The following SPARCL1 variants were observed in gnomAD, a reference collection of about 807,000 sequenced individuals.
SPARCL1 encodes the protein SPARC like 1, also known as SPARC-like protein 1.
In SPARCL1, 52 loss-of-function variants were observed where a neutral mutation model predicts 67.1. The observed-to-expected ratio is 0.78, with a 90% CI of 0.62 to 0.98. SPARCL1 has a LOEUF of 0.98. Among genes scored for constraint, SPARCL1 ranks in the 50% least tolerant of loss-of-function variants. The pLI is 0.00. For missense variants in SPARCL1, 717 were observed against 782.4 expected (o/e 0.92, Z 1.00); for synonymous variants, 226 against 267.8 (o/e 0.84, Z 1.52).
chr4:87,482,502 C>T lies in SPARCL1; in HGVS notation c.1590G>A (p.Trp530Ter), dbSNP rs1009564107. 2 of 1,613,956 alleles carry T rather than the reference C, an allele frequency of 1.2e-6. No individual in the cohort carries two copies. Among genetic ancestry groups the T allele is most frequent in the Non-Finnish European group, 1.7e-6 (2 of 1,179,876 alleles). ...AAAGCTGCATGAGGATATTCTTGAGCCAGTCTCTCATCCGTAGAGGAAACT... is the reference window on the plus strand; with the variant it reads ...AAAGCTGCATGAGGATATTCTTGAGTCAGTCTCTCATCCGTAGAGGAAACT... ...VIQFPLRMRD[W>*]LKNILMQLYE... The change falls in exon 8 of 11, where the codon TGG (tryptophan) becomes TGA (stop). Residue 530 changes from tryptophan (W) to a stop codon, truncating the protein, a stop_gained. Transcript: ENST00000282470. LOFTEE classifies it high-confidence loss of function.
intron 1 of SPARCL1, among the ~76,000 whole-genome samples, chr4:87,502,371 C>T (rs564375319): frequency 6.6e-6 from 1 of 152,092 alleles, no homozygotes; most frequent in African/African-American, 2.4e-5. Context: ...ACTTATTCTT[C>T]CTATTAGCTA....
intron 1 of SPARCL1, among the ~76,000 whole-genome samples, chr4:87,521,967 CAG>C (rs1478754447): frequency 6.6e-6 from 1 of 152,208 alleles, no homozygotes; most frequent in African/African-American, 2.4e-5. Context: ...TAAACAGACT[CAG>C]AACGTTCCTG....
At chr4:87,501,172 T>G (rs556592921) in intron 1 of SPARCL1, among the ~76,000 whole-genome samples, 1 of 152,154 alleles carries the variant, frequency 6.6e-6, no homozygotes, top group African/African-American at 2.4e-5. Flanking sequence ...CCCTTGGAAG[T>G]GGCACTCCCA....
In SPARCL1 at chr4:87,473,714, A is replaced by G. The variant is rs1271948213; in HGVS notation, c.*61T>C. The G allele has an allele frequency of 2.5e-6, 3 of 1,219,110 alleles. No homozygotes were observed. Among genetic ancestry groups the G allele is most frequent in the East Asian group, 4.9e-5 (2 of 41,174 alleles). The allele number at this position is 1,219,110 out of a possible 1,614,324, so 75.5% of individuals were successfully genotyped here. On this transcript the variant is annotated 3_prime_UTR_variant, in exon 11 of 11. Coordinates refer to ENST00000282470, the MANE Select transcript of SPARCL1 (RefSeq NM_004684.6). ...ATCTACAAGTATCACAGCTGCATAT[A>G]TTTCTGAAGTGGTTAGAACAGAGGA...
chr4:87,499,455 A>G, intron 2 of SPARCL1, 66 bp downstream of exon 2: 8 of 1,268,250 alleles, frequency 6.3e-6, no homozygotes, highest in Non-Finnish European at 9.1e-6. Context: ...ATTTTCTTTT[A>G]AATGGAGGAT....
chr4:87,507,195 T>C (rs988969411), intron 1 of SPARCL1, among the ~76,000 whole-genome samples: 4 of 152,242 alleles, frequency 2.6e-5, no homozygotes, highest in Non-Finnish European at 2.9e-5. Flanking sequence ...CATGGAATGC[T>C]ACCCTATTTT....
intron 8 of SPARCL1, among the ~76,000 whole-genome samples, chr4:87,481,465 G>C (rs1723820407): frequency 6.6e-6 from 1 of 152,098 alleles, no homozygotes; most frequent in African/African-American, 2.4e-5. Context: ...TATACTTGCT[G>C]CATCCATTCC....
rs1724501495 is a variant in SPARCL1, at chr4:87,494,152, AT to A, written c.647del (p.Asp216ValfsTer38). On this transcript the variant is annotated frameshift_variant, in exon 4 of 11. Transcript: ENST00000282470. LOFTEE classifies it high-confidence loss of function. ...GCAATTCTGTCTTTCTTTCTTGGTT[AT>A]CATTGTGGGTACCAACTTCACCTGG... is the stretch of plus-strand genomic sequence containing the variant. ...KEPGEVGTHNDNQERKTELPR... is the reference protein window; with the variant it reads ...KEPGEVGTHNXNQERKTELPR... The A allele has an allele frequency of 6.2e-7, 1 of 1,613,604 alleles. No homozygotes were observed. The highest frequency in any genetic ancestry group is 1.3e-5 in the African/African-American group (1 of 74,898).
chr4:87,526,713 C>A (rs1350927225), intron 1 of SPARCL1, among the ~76,000 whole-genome samples: 1 of 152,170 alleles, frequency 6.6e-6, no homozygotes, highest in East Asian at 1.9e-4. Context: ...TATTATAGAG[C>A]AAAACGTATA....
At chr4:87,496,454 A>G (rs751051200) in intron 2 of SPARCL1, among the ~76,000 whole-genome samples, 1 of 152,082 alleles carries the variant, frequency 6.6e-6, no homozygotes, top group Non-Finnish European at 1.5e-5. Context: ...TCTGAACTCA[A>G]GCAATCTTCC....
chr4:87,497,732 G>C (rs1724678215), intron 2 of SPARCL1, among the ~76,000 whole-genome samples: 1 of 152,186 alleles, frequency 6.6e-6, no homozygotes, highest in Admixed American at 6.5e-5. Context: ...CTAAATGCAA[G>C]TGTGTCATTC....
chr4:87,518,793 A>T (rs1426924985), intron 1 of SPARCL1, among the ~76,000 whole-genome samples: 2 of 152,170 alleles, frequency 1.3e-5, no homozygotes, highest in Admixed American at 6.5e-5. Flanking sequence ...AAAAGAAGAC[A>T]CTTAGGGTTA....
Position 87,493,718 on chromosome 4 carries a change from T to C in SPARCL1, c.1082A>G (p.Tyr361Cys). Residue 361 changes from tyrosine to cysteine, a missense_variant, in exon 4 of 11, where the codon TAC becomes TGC. Tyr to Cys is a radical substitution (Grantham distance 194, BLOSUM62 -2). Transcript: ENST00000282470. ...CAGAAAGGCCTGGCTTGGGATGAAG[T>C]AGTCATCACTTGCACTGTGCCTGGG... ...DGPRHSASDD[Y>C]FIPSQAFLEA... is the part of the protein sequence containing the mutation. 6.2e-7 allele frequency: 1 copy of C among 1,614,148 alleles called. No homozygotes were observed. Among genetic ancestry groups the C allele is most frequent in the Non-Finnish European group, 8.5e-7 (1 of 1,180,026 alleles).
intron 2 of SPARCL1, among the ~76,000 whole-genome samples, chr4:87,496,304 C>T (rs1724616825): frequency 6.6e-6 from 1 of 152,142 alleles, no homozygotes; most frequent in Admixed American, 6.5e-5. Context: ...CTCACTGCAA[C>T]CTCTGCCTCC....
intron 1 of SPARCL1, among the ~76,000 whole-genome samples, chr4:87,518,755 G>A (rs555873729): frequency 1.8e-4 from 27 of 149,676 alleles, no homozygotes; most frequent in Middle Eastern, 3.2e-3. Flanking sequence ...ATTAGCTGGA[G>A]TTGGGCAACA....
rs564310961 is a variant in SPARCL1, at chr4:87,482,452, C to A, written c.1640G>T (p.Gly547Val). Residue 547 changes from glycine to valine, a missense_variant, in exon 8 of 11, where the codon GGT becomes GTT. By Grantham distance (109) the Gly-to-Val change is moderately radical (BLOSUM62 -3). Transcript: ENST00000282470. ...ATTTCTCTGCTTCTCATTTAGATAA[C>A]CAGCGTGTTCAGAGTTGGCTTCATA... ...QLYEANSEHA[G>V]YLNEKQRNKV... The A allele has an allele frequency of 5.0e-6, 8 of 1,613,858 alleles. No homozygotes were observed. The South Asian group carries it at 8.8e-5, about 18-fold the overall frequency.
intron 10 of SPARCL1, among the ~76,000 whole-genome samples, chr4:87,478,951 T>G (rs1723693087): frequency 6.6e-6 from 1 of 152,184 alleles, no homozygotes; most frequent in Non-Finnish European, 1.5e-5. Context: ...GGTTAAAGGA[T>G]TATCCCAGCA....
At chr4:87,507,796 C>T (rs1206655732) in intron 1 of SPARCL1, among the ~76,000 whole-genome samples, 1 of 152,204 alleles carries the variant, frequency 6.6e-6, no homozygotes, top group Non-Finnish European at 1.5e-5. Flanking sequence ...GATCAGGCCT[C>T]CAGAACTTCT....
chr4:87,475,833 A>G (rs780285900), intron 10 of SPARCL1, among the ~76,000 whole-genome samples: 2 of 152,234 alleles, frequency 1.3e-5, no homozygotes, highest in Non-Finnish European at 2.9e-5. Flanking sequence ...AGATTTCTCA[A>G]AGAACTTAAA....
Sources: allele counts gnomAD v4.1 joint callset (sites outside exome capture counted in the v4.1 genomes callset), GRCh38; gene constraint gnomAD v4.1.1; transcripts MANE v1.5; gene names NCBI Gene and HGNC (gene_info 2026-07-23, HGNC 2026-07-21).